ZAN: variants seen among roughly 807,000 people sequenced by gnomAD.
The protein encoded by ZAN is zonadhesin (gene/pseudogene).
A neutral mutation model predicts 286.2 loss-of-function variants in ZAN; 260 were observed. That is an observed-to-expected ratio of 0.91 (90% confidence interval 0.82 to 1.01). The LOEUF (loss-of-function observed/expected upper bound fraction) is 1.01. Among genes scored for constraint, ZAN ranks in the 50% least tolerant of loss-of-function variants. The pLI is 0.00. For synonymous variants in ZAN, 1,368 were observed against 1,417.5 expected (o/e 0.97, Z 0.79); for missense variants, 3,410 against 3,639.2 (o/e 0.94, Z 1.62).
At position 100,746,660 on chromosome 7, in the gene ZAN, C is replaced by T; in HGVS notation, c.889C>T (p.Gln297Ter). 3 of 1,613,990 alleles carry T rather than the reference C, an allele frequency of 1.9e-6. No individual in the cohort carries two copies. The highest frequency in any genetic ancestry group is 1.1e-5 in the South Asian group (1 of 91,090). Reference protein sequence around the residue: ...SFSFHYILRGQSPGAALHIYA... With the variant: ...SFSFHYILRG The stretch of plus-strand genomic sequence containing the variant: ...TTCCTTCCACTACATCCTCCGGGGC[C>T]AGTCTCCTGGTGCAGCCCTCCACAT... Residue 297 changes from glutamine (Q) to a stop codon, truncating the protein, a stop_gained, in exon 8 of 48, where the codon CAG becomes TAG. Coordinates refer to ENST00000613979, the MANE Select transcript of ZAN (RefSeq NM_003386.3). LOFTEE classifies it high-confidence loss of function.
rs1810869118 is a variant in ZAN at position 100,777,064 on chromosome 7, G to T, written c.6317+500G>T. Among the ~76,000 whole-genome samples the T allele has an allele frequency of 2.0e-5, 3 of 147,474 alleles. 1 individual carries two copies. In the South Asian group the frequency reaches 6.5e-4, roughly 32 times the overall value. Reference sequence around the variant, plus strand: ...TTTCTTTCGTTCTTTTTTTTTCTGAGACAGAATCTTGCTCTGTCACCCAGG... The same window carrying T: ...TTTCTTTCGTTCTTTTTTTTTCTGATACAGAATCTTGCTCTGTCACCCAGG... On this transcript the variant is annotated intron_variant, in intron 34 of 47. Transcript: ENST00000613979.
chr7:100,779,634 C>A lies in ZAN; in HGVS notation c.6506C>A (p.Thr2169Asn). 1.9e-6 allele frequency: 3 copies of A among 1,597,216 alleles called. No individual in the cohort carries two copies. The highest frequency in any genetic ancestry group is 2.6e-6 in the Non-Finnish European group (3 of 1,172,176). The change falls in exon 35 of 48, where the codon ACC becomes AAC. Residue 2169 changes from threonine to asparagine, a missense_variant. By Grantham distance (65) the Thr-to-Asn change is moderately conservative. Coordinates refer to ENST00000613979, the MANE Select transcript of ZAN (RefSeq NM_003386.3). ...LTPFLVDCAN[T>N]LCEFGGLYQA... Reference sequence around the variant, plus strand: ...CCCTTCCTGGTGGACTGTGCAAACACCCTCTGTGAGTTCGGAGGTCTCTAC... The same window carrying A: ...CCCTTCCTGGTGGACTGTGCAAACAACCTCTGTGAGTTCGGAGGTCTCTAC...
At chr7:100,744,869 GTTT>G (rs147306368) in intron 7 of ZAN, among the ~76,000 whole-genome samples, 1 of 141,930 alleles carries the variant, frequency 7.0e-6, no homozygotes, top group Non-Finnish European at 1.5e-5. Flanking sequence ...GGTCTCCTTG[GTTT>G]TTTTTTTGTT....
chr7:100,776,250 G>A (rs566254618), intron 33 of ZAN, among the ~76,000 whole-genome samples, 190 bp from the exon 34 acceptor site: 10 of 145,718 alleles, frequency 6.9e-5, no homozygotes, highest in East Asian at 2.2e-4. Context: ...CCTGGGAGGC[G>A]GATAGTGAAG....
chr7:100,792,424 T>G lies in ZAN; in HGVS notation c.7732T>G (p.Cys2578Gly). The G allele has an allele frequency of 2.5e-6, 4 of 1,613,382 alleles. No individual in the cohort carries two copies. The Middle Eastern group carries it at 6.6e-4, about 266-fold the overall frequency. The stretch of plus-strand genomic sequence containing the variant: ...CACCAGGCACTGCGTGCTGGATCTG[T>G]GCTCTGCTCAGGACCCAAGAGAGCA... ...PFQEHCVLDL[C>G]SAQDPREQEE... The change falls in exon 42 of 48, where the codon TGC becomes GGC. Residue 2578 changes from cysteine (C) to glycine (G), a missense_variant. Coordinates refer to ENST00000613979, the MANE Select transcript of ZAN (RefSeq NM_003386.3).
In ZAN at chr7:100,767,967, T is replaced by C. The variant is rs1447006646; in HGVS notation, c.4997T>C (p.Val1666Ala). 1 of 1,613,904 alleles carries C rather than the reference T, an allele frequency of 6.2e-7. No homozygotes were observed. The change falls in exon 26 of 48, where the codon GTG becomes GCG. Residue 1666 changes from valine to alanine, a missense_variant. By Grantham distance (64) the Val-to-Ala change is moderately conservative (BLOSUM62 0). Transcript: ENST00000613979. ...VRYDGSHLVEVTVPSSYGGQL... is the reference protein window; with the variant it reads ...VRYDGSHLVEATVPSSYGGQL... Reference sequence around the variant, plus strand: ...TACGACGGGAGCCACTTGGTGGAAGTGACAGTCCCCTCCTCCTATGGCGGC... The same window carrying C: ...TACGACGGGAGCCACTTGGTGGAAGCGACAGTCCCCTCCTCCTATGGCGGC...
rs889399456 is a variant in ZAN, at chr7:100,763,742, C to T, written c.3987-64C>T. On this transcript the variant is annotated intron_variant, in intron 20 of 47. Coordinates refer to ENST00000613979, the MANE Select transcript of ZAN (RefSeq NM_003386.3). The surrounding 1 kb of genome is among the most constrained non-coding windows in gnomAD (Gnocchi z 4.6). ...CCCGGCCTGCCAGCCTTGCTGCCTG[C>T]TGGGTTAGGGATGAGCTGGAAGCGA... 8.9e-5 allele frequency: 137 copies of T among 1,536,486 alleles called. 1 individual carries two copies. In the African/African-American group the frequency reaches 1.8e-3, roughly 20 times the overall value.
At chr7:100,751,417 C>G (rs962269002) in intron 13 of ZAN, among the ~76,000 whole-genome samples, 151 bp downstream of exon 13, 1 of 152,162 alleles carries the variant, frequency 6.6e-6, no homozygotes, top group Non-Finnish European at 1.5e-5. Flanking sequence ...CCTCTCCTTC[C>G]CCTGCACTTC....
intron 11 of ZAN, 127 bp from the exon 12 acceptor site, chr7:100,750,498 A>T: frequency 8.5e-7 from 1 of 1,175,408 alleles, no homozygotes; most frequent in Non-Finnish European, 1.2e-6. Context: ...CAGAAAAAAT[A>T]ATGCTACGAC....
Position 100,755,382 on chromosome 7 carries a change from A to G in ZAN, c.3281A>G (p.Asn1094Ser), listed in dbSNP as rs746538636. ...CACTGCATCCAGGCCTCTTCCTGCA[A>G]TTGCTTCTACAACAACGACTACTAT... ...DNHCIQASSC[N>S]CFYNNDYYEP... Residue 1094 changes from asparagine to serine, a missense_variant, in exon 15 of 48, where the codon AAT (asparagine) becomes AGT (serine). Transcript: ENST00000613979. 1.4e-5 allele frequency: 22 copies of G among 1,613,106 alleles called. No individual in the cohort carries two copies. In the African/African-American group the frequency reaches 2.1e-4, roughly 16 times the overall value.
chr7:100,742,726 C>A (rs1420637936), intron 7 of ZAN, among the ~76,000 whole-genome samples: 18 of 66,642 alleles, frequency 2.7e-4, no homozygotes, highest in Admixed American at 2.5e-3. Context: ...CGTGGCGGCG[C>A]GTGCCTGCAA....
intron 31 of ZAN, among the ~76,000 whole-genome samples, chr7:100,774,263 G>A (rs1398049197): frequency 1.3e-5 from 2 of 152,078 alleles, no homozygotes; most frequent in East Asian, 1.9e-4. Context: ...CCAGCTACTC[G>A]AGAGGCTGAG....
At chr7:100,767,347 C>A (rs1316691605) in intron 25 of ZAN, 90 bp downstream of exon 25, 4 of 1,529,192 alleles carry the variant, frequency 2.6e-6, no homozygotes, top group Non-Finnish European at 3.5e-6. Context: ...GCCCACCTCT[C>A]TGGCTCCTTA....
At position 100,750,706 on chromosome 7, in the gene ZAN, C is replaced by T. The variant is rs1275330119; in HGVS notation, c.1331C>T (p.Ala444Val). Residue 444 changes from alanine (A) to valine (V), a missense_variant, in exon 12 of 48, where the codon GCC becomes GTC. This residue lies in a region of ZAN where 872 missense variants were observed against 938.9 expected (regional missense o/e 0.93). Transcript: ENST00000613979. ...SVRLVSRPFC[A>V]PGDICVEFAY... ...AGACTGGTGAGCCGGCCCTTCTGCG[C>T]CCCAGGTGACATCTGCGTGGAGTTC... is the stretch of plus-strand genomic sequence containing the variant. The T allele has an allele frequency of 6.2e-7, 1 of 1,613,116 alleles. No individual in the cohort carries two copies. The highest frequency in any genetic ancestry group is 8.5e-7 in the Non-Finnish European group (1 of 1,179,598).
intron 22 of ZAN, among the ~76,000 whole-genome samples, chr7:100,764,558 CG>C: frequency 6.8e-6 from 1 of 147,474 alleles, no homozygotes; most frequent in South Asian, 2.1e-4. Flanking sequence ...TGTGTGGCAA[CG>C]GGTACCTGTA....
intron 7 of ZAN, among the ~76,000 whole-genome samples, chr7:100,744,071 C>G (rs1303243843): frequency 6.6e-6 from 1 of 150,558 alleles, no homozygotes; most frequent in Non-Finnish European, 1.5e-5. Flanking sequence ...AATCCATTTC[C>G]TCCCTTCCAC....
intron 9 of ZAN, 130 bp downstream of exon 9, chr7:100,747,771 G>A (rs1002651209): frequency 1.8e-5 from 16 of 912,696 alleles, no homozygotes; most frequent in Admixed American, 4.2e-5. Context: ...AGGGAGGATC[G>A]CTTCAGGACA....
chr7:100,759,864 C>T lies in ZAN; in HGVS notation c.3696+19C>T. On this transcript the variant is annotated intron_variant, in intron 18 of 47. Coordinates refer to ENST00000613979, the MANE Select transcript of ZAN (RefSeq NM_003386.3). ...CACTCTGGTGAGCCCCATTCCACCC[C>T]CACCATCCTTGCAGGGTCTGACTGT... is the stretch of plus-strand genomic sequence containing the variant. 1.2e-6 allele frequency: 2 copies of T among 1,609,674 alleles called. No individual in the cohort carries two copies. The highest frequency in any genetic ancestry group is 1.1e-5 in the South Asian group (1 of 90,368).
intron 37 of ZAN, 95 bp from the exon 38 acceptor site, chr7:100,787,794 T>C (rs1811654689): frequency 9.1e-6 from 12 of 1,314,950 alleles, no homozygotes; most frequent in Non-Finnish European, 1.2e-5. Context: ...ACTCCTGACC[T>C]CAGGTCATCC....
Sources: gnomAD v4.1 joint callset for allele counts (sites outside exome capture counted in the v4.1 genomes callset) on GRCh38, gnomAD v4.1.1 for gene constraint, gnomAD v4.1.1 regional missense constraint, Gnocchi (gnomAD v3.1) non-coding constraint, MANE v1.5 for transcripts, NCBI Gene and HGNC (gene_info 2026-07-23, HGNC 2026-07-21) for gene names.